The following SETD5 variants were observed in gnomAD, a reference collection of about 807,000 sequenced individuals.
SETD5 encodes histone-lysine N-methyltransferase SETD5.
Under a neutral mutation model 153.3 loss-of-function variants are expected in SETD5, and 44 were observed. The ratio of observed to expected loss-of-function variants is 0.29; its 90% confidence interval spans 0.23 to 0.37. The LOEUF (loss-of-function observed/expected upper bound fraction) is 0.37, where lower values mean the gene tolerates loss of function less well. Ranked by LOEUF, SETD5 falls within the 10% of genes least tolerant of loss-of-function variation. The pLI is 1.00. For synonymous variants in SETD5, 716 were observed against 645.2 expected, an observed-to-expected ratio of 1.11 and a Z score of -1.66; for missense variants, 1,544 against 1,768.0, an observed-to-expected ratio of 0.87 and a Z score of 2.27.
chr3:9,422,474 G>A (rs145271058), intron 1 of SETD5, among the ~76,000 whole-genome samples: 2,969 of 152,246 alleles, frequency 0.02, 32 homozygotes, highest in Non-Finnish European at 0.028. Context: ...GCTTAGGGAA[G>A]CCACTGCCTC....
chr3:9,423,917 C>T (rs1359046247), intron 1 of SETD5, among the ~76,000 whole-genome samples: 1 of 152,066 alleles, frequency 6.6e-6, no homozygotes, highest in African/African-American at 2.4e-5. Context: ...AGCATGTTTC[C>T]ATTTGACCGC....
In SETD5 at chr3:9,465,535, C is replaced by T. The variant is rs1293275426; in HGVS notation, c.2724+863C>T. Among the ~76,000 whole-genome samples the T allele has an allele frequency of 2.6e-5, 4 of 152,224 alleles. No homozygotes were observed. The East Asian group carries it at 7.7e-4, about 29-fold the overall frequency. The stretch of plus-strand genomic sequence containing the variant: ...CTGCTCTGCCCCCTTGTTTGCACTT[C>T]TCCAGATGTGTTTTTTGAGAAAGGT... On this transcript the variant is annotated intron_variant, in intron 18 of 22. Coordinates refer to ENST00000402198, the MANE Select transcript of SETD5 (RefSeq NM_001080517.3).
At chr3:9,432,180 C>T (rs1452427642) in intron 3 of SETD5, 4 of 499,080 alleles carry the variant, frequency 8.0e-6, no homozygotes, top group Admixed American at 6.4e-5. Flanking sequence ...CTCCCCCGTT[C>T]CCATCTTGCA....
intron 17 of SETD5, among the ~76,000 whole-genome samples, chr3:9,459,552 C>T (rs2043674752): frequency 6.6e-6 from 1 of 151,294 alleles, no homozygotes; most frequent in Admixed American, 6.6e-5. Flanking sequence ...AGGCGGATCA[C>T]GAGGTCAGGA....
intron 7 of SETD5, among the ~76,000 whole-genome samples, chr3:9,437,522 C>CGCGTGTGTGTGTGT (rs1553619050): frequency 1.5e-4 from 22 of 145,124 alleles, no homozygotes; most frequent in African/African-American, 5.7e-4. Flanking sequence ...TCCTCCTTTA[C>CGCGTGTGTGTGTGT]GTGTGTGTGT....
intron 16 of SETD5, 77 bp downstream of exon 16, chr3:9,448,707 C>G (rs957162307): frequency 8.1e-6 from 11 of 1,360,588 alleles, no homozygotes; most frequent in Non-Finnish European, 1.1e-5. Flanking sequence ...TTCCTATCAT[C>G]ATGACATAAA....
At chr3:9,424,027 G>T (rs766669930) in intron 1 of SETD5, among the ~76,000 whole-genome samples, 1 of 152,170 alleles carries the variant, frequency 6.6e-6, no homozygotes. Context: ...ATATGGACTT[G>T]TAATTTAATG....
intron 17 of SETD5, among the ~76,000 whole-genome samples, chr3:9,463,479 G>A (rs1309460103): frequency 6.6e-6 from 1 of 152,220 alleles, no homozygotes; most frequent in Admixed American, 6.5e-5. Flanking sequence ...AATCAAGTGA[G>A]AAAGGTGCTT....
At chr3:9,474,922 C>T (rs951834501) in intron 21 of SETD5, 146 bp from the exon 22 acceptor site, 5 of 692,994 alleles carry the variant, frequency 7.2e-6, no homozygotes, top group African/African-American at 5.4e-5. Context: ...CTCATTTTGC[C>T]CTTCTGGCAT....
Position 9,440,485 on chromosome 3 carries a change from T to C in SETD5, c.597T>C (p.Asp199=). 6.3e-7 allele frequency: 1 copy of C among 1,575,846 alleles called. No homozygotes were observed. Among genetic ancestry groups the C allele is most frequent in the Non-Finnish European group, 8.7e-7 (1 of 1,145,560 alleles). ...CTCCCTCTGAAGCACAGAATTTAGA[T>C]GAGAATACAACTGAGGGCTGGGAAA... ...KNSPSEAQNL[D]ENTTEGWENR... is the part of the protein sequence containing the mutation. Residue 199 remains aspartate, a synonymous_variant, in exon 8 of 23, where the codon GAT becomes GAC. Coordinates refer to ENST00000402198, the MANE Select transcript of SETD5 (RefSeq NM_001080517.3).
intron 20 of SETD5, among the ~76,000 whole-genome samples, 181 bp downstream of exon 20, chr3:9,473,718 C>T (rs1575619480): frequency 6.6e-6 from 1 of 152,178 alleles, no homozygotes; most frequent in Non-Finnish European, 1.5e-5. Flanking sequence ...AACCCCCCAG[C>T]TTTGCAGAAT....
rs1559497674 is a variant in SETD5, at chr3:9,475,096, ATTAAGC to A, written c.3662_3667del (p.Leu1221_Ser1222del). 1 of 1,590,402 alleles carries A rather than the reference ATTAAGC, an allele frequency of 6.3e-7. No homozygotes were observed. The highest frequency in any genetic ancestry group is 1.2e-5 in the South Asian group (1 of 86,698). On this transcript the variant is annotated inframe_deletion, in exon 22 of 23. Transcript: ENST00000402198. ...CTGCAGATGGAGAAGGCCCAGAGAC[ATTAAGC>A]TCAGCACTCTCTAAAGGAGCAACAG...
rs113843279 is a variant in SETD5, at chr3:9,436,939, A to AT, written c.567+1037dup. On this transcript the variant is annotated intron_variant, in intron 7 of 22. Coordinates refer to ENST00000402198, the MANE Select transcript of SETD5 (RefSeq NM_001080517.3). ...GTGTTTTACTTCACTGTGATCTTGC[A>AT]TTTTGGTCAGCTTCTTTCCTGACAT... 6.6e-5 allele frequency: 100 copies of AT among 1,512,362 alleles called. No individual in the cohort carries two copies. In the African/African-American group the frequency reaches 1.2e-3, roughly 19 times the overall value. The allele number at this position is 1,512,362 out of a possible 1,614,324, so 93.7% of individuals were successfully genotyped here.
intron 1 of SETD5, among the ~76,000 whole-genome samples, chr3:9,418,600 C>G (rs1234892214): frequency 6.6e-6 from 1 of 151,910 alleles, no homozygotes; most frequent in Non-Finnish European, 1.5e-5. Context: ...CCCAGGAGTT[C>G]AAGACCACCC....
rs773651893 is a variant in SETD5, at chr3:9,433,911, G to A, written c.138G>A (p.Gly46=). 4 of 1,613,872 alleles carry A rather than the reference G, an allele frequency of 2.5e-6. No homozygotes were observed. The highest frequency in any genetic ancestry group is 2.2e-5 in the South Asian group (2 of 91,028). ...EKSVYSTHNY[G]TTQRHGCRGL... is the part of the protein sequence containing the mutation. ...GCGTGTATTCCACTCATAATTATGGGACCACTCAGAGGCATGGGTGTCGAG... is the reference window on the plus strand; with the variant it reads ...GCGTGTATTCCACTCATAATTATGGAACCACTCAGAGGCATGGGTGTCGAG... Residue 46 remains glycine, a synonymous_variant, in exon 4 of 23, where the codon GGG becomes GGA. Coordinates refer to ENST00000402198, the MANE Select transcript of SETD5 (RefSeq NM_001080517.3).
chr3:9,410,412 C>T (rs2036382896), intron 1 of SETD5, among the ~76,000 whole-genome samples: 1 of 152,122 alleles, frequency 6.6e-6, no homozygotes, highest in African/African-American at 2.4e-5. Context: ...TTTGAAATCC[C>T]CCTTAGAATA....
At chr3:9,410,919 C>T (rs60698051) in intron 1 of SETD5, among the ~76,000 whole-genome samples, 1,794 of 149,190 alleles carry the variant, frequency 0.012, 47 homozygotes, top group African/African-American at 0.042. Context: ...GATGGAGTCT[C>T]GCTCTGTTTC....
At chr3:9,471,185 A>G (rs982080654) in intron 19 of SETD5, among the ~76,000 whole-genome samples, 2 of 152,190 alleles carry the variant, frequency 1.3e-5, no homozygotes, top group African/African-American at 2.4e-5. Flanking sequence ...AAGAAATTTT[A>G]CCTATTATTT....
At chr3:9,436,174 GTA>G (rs2040544334) in intron 7 of SETD5, among the ~76,000 whole-genome samples, 1 of 152,072 alleles carries the variant, frequency 6.6e-6, no homozygotes, top group Non-Finnish European at 1.5e-5. Flanking sequence ...GCACAATCCC[GTA>G]TGTGTTGCAG....
Sources: allele counts gnomAD v4.1 joint callset (sites outside exome capture counted in the v4.1 genomes callset), GRCh38; gene constraint gnomAD v4.1.1; transcripts MANE v1.5; gene names NCBI Gene and HGNC (gene_info 2026-07-23, HGNC 2026-07-21).